NF1: variants seen among roughly 807,000 people sequenced by gnomAD.
NF1 encodes the protein neurofibromin.
A neutral mutation model predicts 325.7 loss-of-function variants in NF1; 122 were observed. The observed-to-expected ratio is 0.37, with a 90% CI of 0.32 to 0.44. The LOEUF is 0.44. NF1 is among the 20% of genes least tolerant of loss of function. NF1 has a pLI of 1.00. For synonymous variants in NF1, 1,091 were observed against 1,186.0 expected (o/e 0.92, Z 1.65); for missense variants, 2,140 against 3,415.4 (o/e 0.63, Z 9.31).
At chr17:31,242,688 C>T (rs2067321412) in intron 29 of NF1, among the ~76,000 whole-genome samples, 1 of 152,128 alleles carries the variant, frequency 6.6e-6, no homozygotes, top group African/African-American at 2.4e-5. Flanking sequence ...TTCCGAATTC[C>T]TTCTCCACAT....
chr17:31,217,214 A>G (rs533380284), intron 13 of NF1, among the ~76,000 whole-genome samples: 14 of 152,324 alleles, frequency 9.2e-5, no homozygotes, highest in African/African-American at 3.1e-4. Context: ...AATTACAGAT[A>G]TATTGCAGTG....
chr17:31,215,830 C>G (rs2066810865), intron 13 of NF1, among the ~76,000 whole-genome samples: 1 of 152,160 alleles, frequency 6.6e-6, no homozygotes, highest in Non-Finnish European at 1.5e-5. Flanking sequence ...TTTTAAATTA[C>G]TGTAATACAG....
chr17:31,325,725 A>G (rs987293633), intron 36 of NF1, 95 bp from the exon 37 acceptor site: 1 of 970,260 alleles, frequency 1.0e-6, no homozygotes, highest in African/African-American at 1.6e-5. Context: ...TATTCTCTCT[A>G]GAAAATGAAT....
In NF1 at chr17:31,201,407, A is replaced by G. The variant is rs769295150; in HGVS notation, c.1186-4A>G. The G allele has an allele frequency of 1.9e-5, 30 of 1,601,844 alleles. No individual in the cohort carries two copies. The highest frequency in any genetic ancestry group is 4.5e-5 in the East Asian group (2 of 44,594). On this transcript the variant is annotated splice_polypyrimidine_tract_variant and splice_region_variant and intron_variant, in intron 10 of 57. Transcript: ENST00000358273. ...AATCTGCTTTTTTTTTTCTTTTTCT[A>G]TAGATCTGCCTGGCTCAGAATTCAC...
chr17:31,305,226 T>C, intron 36 of NF1: 1 of 1,614,136 alleles, frequency 6.2e-7, no homozygotes, highest in Non-Finnish European at 8.5e-7. Context: ...GGGCAGATGG[T>C]AGTTGTCTGG....
chr17:31,236,708 C>T (rs1567853248), intron 29 of NF1, among the ~76,000 whole-genome samples: 1 of 151,816 alleles, frequency 6.6e-6, no homozygotes, highest in Non-Finnish European at 1.5e-5. Flanking sequence ...GCCCTGGCCT[C>T]CAAAAATACT....
chr17:31,204,159 C>G lies in NF1; in HGVS notation c.1261-2081C>G, dbSNP rs541476894. 9.2e-5 allele frequency among the ~76,000 whole-genome samples: 14 copies of G among 152,158 alleles called. No individual in the cohort carries two copies. The East Asian group carries it at 2.7e-3, about 29-fold the overall frequency. On this transcript the variant is annotated intron_variant, in intron 11 of 57. Transcript: ENST00000358273. ...GGAAATTTAAAAAGTAATATACACA[C>G]TTATGAACCAATTATCTTAGCCATC...
intron 13 of NF1, among the ~76,000 whole-genome samples, chr17:31,215,079 GA>G (rs1213074757): frequency 2.0e-5 from 3 of 152,134 alleles, no homozygotes; most frequent in African/African-American, 7.2e-5. Context: ...AGAATGAGGT[GA>G]AAATGGGTGT....
At chr17:31,186,231 C>T (rs920076196) in intron 8 of NF1, among the ~76,000 whole-genome samples, 1 of 152,208 alleles carries the variant, frequency 6.6e-6, no homozygotes, top group Non-Finnish European at 1.5e-5. Context: ...TACCTTCTCT[C>T]TCCCCACCTA....
chr17:31,134,296 T>G (rs1915603741), intron 1 of NF1, among the ~76,000 whole-genome samples: 1 of 152,264 alleles, frequency 6.6e-6, no homozygotes, highest in African/African-American at 2.4e-5. Flanking sequence ...CCTACAAGTT[T>G]CAATAATTGG....
At chr17:31,268,479 T>G (rs2067829542) in intron 36 of NF1, among the ~76,000 whole-genome samples, 1 of 151,740 alleles carries the variant, frequency 6.6e-6, no homozygotes, top group Non-Finnish European at 1.5e-5. Context: ...CACAAAAAAT[T>G]AGGCAGGCGT....
chr17:31,111,875 A>T (rs1237507665), intron 1 of NF1, among the ~76,000 whole-genome samples: 5 of 152,152 alleles, frequency 3.3e-5, no homozygotes, highest in Non-Finnish European at 7.4e-5. Flanking sequence ...TCTTGTTTTT[A>T]TTGCTGTTTT....
rs768947696 is a variant in NF1 at position 31,360,624 on chromosome 17, G to A, written c.8298G>A (p.Leu2766=). The change falls in exon 57 of 58, where the codon CTG becomes CTA. Residue 2766 remains leucine (L), a synonymous_variant. Coordinates refer to ENST00000358273, the MANE Select transcript of NF1 (RefSeq NM_001042492.3). ...CCACATCTCCTTACCCTCCTGCACT[G>A]CAGAGCCAGCTTAGTATCACTGCCA... ...LTPTSPYPPA[L]QSQLSITANL... 3.7e-6 allele frequency: 6 copies of A among 1,613,956 alleles called. No homozygotes were observed. The African/African-American group carries it at 6.7e-5, about 18-fold the overall frequency.
Position 31,336,612 on chromosome 17 carries a change from A to AT in NF1, c.6148-23_6148-22insT. The AT allele has an allele frequency of 6.4e-7, 1 of 1,571,568 alleles. No individual in the cohort carries two copies. The highest frequency in any genetic ancestry group is 8.6e-7 in the Non-Finnish European group (1 of 1,161,582). On this transcript the variant is annotated intron_variant, in intron 41 of 57. Coordinates refer to ENST00000358273, the MANE Select transcript of NF1 (RefSeq NM_001042492.3). This position sits in a 1 kb window ranked among gnomAD's most constrained non-coding sequence, Gnocchi z 5.5. ...GAGTCCCATGTTTTTTTTTTTAAAA[A>AT]AAAAAATCCTGCTTCTTTACAGGTT...
intron 29 of NF1, among the ~76,000 whole-genome samples, chr17:31,237,656 C>CTT (rs34107657): frequency 0.36 from 45,122 of 125,664 alleles, 9,538 homozygotes; most frequent in African/African-American, 0.59. Context: ...CTCATGTCTA[C>CTT]TTTTTTTTTT....
In NF1 at chr17:31,376,563, A is replaced by G. The variant is rs2070734151; in HGVS notation, c.*2408A>G. ...CTAGCTTTCCAAGTAACTAAAATGTACATGAGATAAACCTCTCACCACTAT... is the reference window on the plus strand; with the variant it reads ...CTAGCTTTCCAAGTAACTAAAATGTGCATGAGATAAACCTCTCACCACTAT... On this transcript the variant is annotated 3_prime_UTR_variant, in exon 58 of 58. Transcript: ENST00000358273. 1 of 232,910 alleles carries G rather than the reference A, an allele frequency of 4.3e-6. No homozygotes were observed. Among genetic ancestry groups the G allele is most frequent in the South Asian group, 1.8e-4 (1 of 5,536 alleles). 14.4% of individuals were successfully genotyped at this position (232,910 alleles called of 1,614,324 possible). A position where few individuals can be genotyped will look rare whatever the true frequency, so the allele number is the denominator to read the frequency against.
intron 8 of NF1, among the ~76,000 whole-genome samples, chr17:31,184,846 C>T (rs2066209849): frequency 6.6e-6 from 1 of 152,016 alleles, no homozygotes; most frequent in Admixed American, 6.5e-5. Context: ...AAGTGGCTGA[C>T]CTGCAACAAA....
chr17:31,208,827 GTT>G (rs2066670414), intron 12 of NF1, among the ~76,000 whole-genome samples: 1 of 152,066 alleles, frequency 6.6e-6, no homozygotes, highest in African/African-American at 2.4e-5. Flanking sequence ...GGAGGCAGAG[GTT>G]GCAGTGAACT....
chr17:31,354,828 A>T (rs1224515173), intron 51 of NF1, among the ~76,000 whole-genome samples: 1 of 152,170 alleles, frequency 6.6e-6, no homozygotes, highest in Non-Finnish European at 1.5e-5. Context: ...TCTCAAAAAA[A>T]ACAAAAATCA....
Sources: allele counts gnomAD v4.1 joint callset (sites outside exome capture counted in the v4.1 genomes callset), GRCh38; gene constraint gnomAD v4.1.1; non-coding constraint Gnocchi (gnomAD v3.1); transcripts MANE v1.5; gene names NCBI Gene and HGNC (gene_info 2026-07-23, HGNC 2026-07-21).